The following SMG1 variants were observed in gnomAD, a reference collection of about 807,000 sequenced individuals.
SMG1 encodes serine/threonine-protein kinase SMG1.
In SMG1, 22 loss-of-function variants were observed where a neutral mutation model predicts 419.9. That is an observed-to-expected ratio of 0.05 (90% confidence interval 0.04 to 0.07). The LOEUF is 0.07. Among genes scored for constraint, SMG1 ranks in the 10% least tolerant of loss-of-function variants. The pLI is 1.00. For synonymous variants in SMG1, 1,538 were observed against 1,553.5 expected (o/e 0.99, Z 0.23); for missense variants, 3,185 against 4,342.0 (o/e 0.73, Z 7.49).
At chr16:18,887,148 T>C (rs998769141) in intron 6 of SMG1, among the ~76,000 whole-genome samples, 1 of 152,128 alleles carries the variant, frequency 6.6e-6, no homozygotes, top group African/African-American at 2.4e-5. Flanking sequence ...TATTATGAAA[T>C]TATTATCATA....
chr16:18,829,113 G>C (rs2032976079), intron 54 of SMG1, among the ~76,000 whole-genome samples, 173 bp downstream of exon 54: 1 of 152,092 alleles, frequency 6.6e-6, no homozygotes, highest in Admixed American at 6.6e-5. Context: ...ATACAGAAGA[G>C]AAACGAAGTA....
At chr16:18,893,097 C>T (rs2036956493) in intron 3 of SMG1, among the ~76,000 whole-genome samples, 1 of 152,288 alleles carries the variant, frequency 6.6e-6, no homozygotes, top group Non-Finnish European at 1.5e-5. Flanking sequence ...TAGGCTTCTA[C>T]TTATCATCTA....
At chr16:18,897,538 AAAG>A (rs1251179632) in intron 1 of SMG1, among the ~76,000 whole-genome samples, 1 of 152,224 alleles carries the variant, frequency 6.6e-6, no homozygotes, top group Non-Finnish European at 1.5e-5. Flanking sequence ...AAAAATTAAA[AAAG>A]AAGACATTTT....
At chr16:18,887,920 C>G (rs2036705077) in intron 6 of SMG1, among the ~76,000 whole-genome samples, 1 of 150,954 alleles carries the variant, frequency 6.6e-6, no homozygotes, top group Non-Finnish European at 1.5e-5. Flanking sequence ...AATCCCAATA[C>G]TTTGGGAGGC....
At chr16:18,883,361 A>C (rs1444688580) in intron 9 of SMG1, among the ~76,000 whole-genome samples, 1 of 152,242 alleles carries the variant, frequency 6.6e-6, no homozygotes, top group African/African-American at 2.4e-5. Context: ...TGTCCTCCAA[A>C]GTACGATTCA....
rs141554946 is a variant in SMG1 at position 18,887,031 on chromosome 16, T to C, written c.823-1365A>G. On this transcript the variant is annotated intron_variant, in intron 6 of 62. Coordinates refer to ENST00000446231, the MANE Select transcript of SMG1 (RefSeq NM_015092.5). Reference sequence around the variant, plus strand: ...TTGGGAGATGCATACTAAAACATTATGGGGTGAACTGTCATCATGTGTATG... The same window carrying C: ...TTGGGAGATGCATACTAAAACATTACGGGGTGAACTGTCATCATGTGTATG... Among the ~76,000 whole-genome samples, 164 of 152,298 alleles carry C rather than the reference T, an allele frequency of 1.1e-3. No homozygotes were observed. In the East Asian group the frequency reaches 0.022, roughly 20 times the overall value.
chr16:18,829,716 G>C lies in SMG1; in HGVS notation c.9173C>G (p.Pro3058Arg), dbSNP rs1457981298. 1 of 1,611,794 alleles carries C rather than the reference G, an allele frequency of 6.2e-7. No homozygotes were observed. The highest frequency in any genetic ancestry group is 1.1e-5 in the South Asian group (1 of 91,030). ...SLEDQNTVNG[P>R]VQIVNVKTLF... ...GGTTTTCACATTGACAATCTGTACA[G>C]GCCCATTCACAGTATTCTGATCTTC... The change falls in exon 54 of 63, where the codon CCT becomes CGT. Residue 3058 changes from proline (P) to arginine (R), a missense_variant. By Grantham distance (103) the Pro-to-Arg change is moderately radical. Transcript: ENST00000446231.
chr16:18,819,585 A>G lies in SMG1; in HGVS notation c.9811T>C (p.Leu3271=), dbSNP rs764873531. ...TCAAAATCTTGTAGTACAGGGGCCA[A>G]TGCAGGGTTGGCACCACCTGCCCAC... is the stretch of plus-strand genomic sequence containing the variant. ...LKWAGGANPA[L]APVLQDFEAT... is the part of the protein sequence containing the mutation. The change falls in exon 56 of 63, where the codon TTG becomes CTG. Residue 3271 remains leucine (L), a synonymous_variant. Transcript: ENST00000446231. 1.0e-5 allele frequency: 16 copies of G among 1,598,874 alleles called. No homozygotes were observed. The highest frequency in any genetic ancestry group is 8.7e-5 in the Admixed American group (5 of 57,510).
intron 3 of SMG1, among the ~76,000 whole-genome samples, chr16:18,894,344 G>C (rs1353672096): frequency 6.6e-6 from 1 of 152,058 alleles, no homozygotes; most frequent in East Asian, 1.9e-4. Context: ...CTAGCCCATA[G>C]AGTATTTCAA....
intron 22 of SMG1, among the ~76,000 whole-genome samples, chr16:18,867,565 A>ATAAT (rs1555498322): frequency 2.1e-5 from 3 of 145,180 alleles, no homozygotes; most frequent in Non-Finnish European, 3.1e-5. Context: ...AAATAAATAA[A>ATAAT]TAATTTATCC....
intron 6 of SMG1, among the ~76,000 whole-genome samples, chr16:18,888,825 T>A (rs1208841517): frequency 8.2e-6 from 1 of 121,526 alleles, no homozygotes; most frequent in East Asian, 2.0e-4. Context: ...TGTATCTTTT[T>A]TTTTTTTTTT....
At chr16:18,841,861 T>C in intron 40 of SMG1, 67 bp from the exon 41 acceptor site, 1 of 1,327,888 alleles carries the variant, frequency 7.5e-7, no homozygotes, top group Non-Finnish European at 1.1e-6. Flanking sequence ...ACCACTCCTC[T>C]TTTTCAACTA....
At chr16:18,830,189 C>A in intron 52 of SMG1, 30 bp downstream of exon 52, 3 of 1,611,864 alleles carry the variant, frequency 1.9e-6, no homozygotes, top group Non-Finnish European at 2.5e-6. Flanking sequence ...ATGGCACTTG[C>A]ATTATTTTTA....
intron 13 of SMG1, 49 bp from the exon 14 acceptor site, chr16:18,872,673 A>C (rs1185838423): frequency 2.3e-6 from 3 of 1,282,194 alleles, no homozygotes; most frequent in Non-Finnish European, 2.1e-6. Context: ...CAAAATAAGC[A>C]CAAGCATACA....
rs2030755023 is a variant in SMG1 at position 18,805,651 on chromosome 16, T to C, written c.*3918A>G. 6.6e-6 allele frequency: 1 copy of C among 152,222 alleles called. No homozygotes were observed. Among genetic ancestry groups the C allele is most frequent in the Non-Finnish European group, 1.5e-5 (1 of 68,040 alleles). The allele number at this position is 152,222 out of a possible 1,614,324, so 9.4% of individuals were successfully genotyped here. On this transcript the variant is annotated 3_prime_UTR_variant, in exon 63 of 63. Transcript: ENST00000446231. ...AAAAAATTGGGACACTTGCTAGTTC[T>C]TCCCTGTGGGAAGAATCTTTCTAAT...
Position 18,809,582 on chromosome 16 carries a change from G to A in SMG1, c.10973C>T (p.Thr3658Ile). The A allele has an allele frequency of 6.2e-7, 1 of 1,611,384 alleles. No individual in the cohort carries two copies. Among genetic ancestry groups the A allele is most frequent in the South Asian group, 1.1e-5 (1 of 90,322 alleles). Residue 3658 changes from threonine (T) to isoleucine (I), a missense_variant, in exon 63 of 63, where the codon ACA becomes ATA. Physicochemically the swap from Thr to Ile is moderately conservative, Grantham distance 89 (BLOSUM62 -1). This residue lies in a region of SMG1 where 41 missense variants were observed against 78.7 expected (regional missense o/e 0.52). Transcript: ENST00000446231. ...CTGTCTTGCCATTCACACCCAGGCT[G>A]TCCAACCTTCATACAGCTGAGCCAA... ...DNLAQLYEGW[T>I]AWV
At chr16:18,859,241 T>C (rs1205296063) in intron 27 of SMG1, 60 bp from the exon 28 acceptor site, 8 of 1,336,164 alleles carry the variant, frequency 6.0e-6, no homozygotes, top group South Asian at 1.3e-5. Flanking sequence ...ACTCAAAGAA[T>C]AAAGCAATTG....
intron 1 of SMG1, among the ~76,000 whole-genome samples, chr16:18,897,463 G>C (rs1206045502): frequency 6.6e-6 from 1 of 152,122 alleles, no homozygotes; most frequent in Non-Finnish European, 1.5e-5. Flanking sequence ...GTACTGATTA[G>C]GTACTGTAGT....
At chr16:18,842,577 C>T (rs2033985016) in intron 39 of SMG1, 123 bp from the exon 40 acceptor site, 1 of 955,924 alleles carries the variant, frequency 1.0e-6, no homozygotes, top group African/African-American at 1.6e-5. Context: ...GTAATCCCAG[C>T]ACTTTGGGAG....
Sources: gnomAD v4.1 joint callset for allele counts (sites outside exome capture counted in the v4.1 genomes callset) on GRCh38, gnomAD v4.1.1 for gene constraint, gnomAD v4.1.1 regional missense constraint, MANE v1.5 for transcripts, NCBI Gene and HGNC (gene_info 2026-07-23, HGNC 2026-07-21) for gene names.